The following FOXN1 variants were observed in gnomAD, a reference collection of about 807,000 sequenced individuals.
FOXN1 encodes the protein forkhead box N1, also known as forkhead box protein N1.
A neutral mutation model predicts 49.0 loss-of-function variants in FOXN1; 15 were observed. That is an observed-to-expected ratio of 0.31 (90% CI 0.20 to 0.47). The LOEUF (loss-of-function observed/expected upper bound fraction) is 0.47. Among genes scored for constraint, FOXN1 ranks in the 20% least tolerant of loss-of-function variants. The pLI is 1.00. For missense variants in FOXN1, 800 were observed against 842.8 expected, an observed-to-expected ratio of 0.95 and a Z score of 0.63; for synonymous variants, 356 against 369.0, an observed-to-expected ratio of 0.96 and a Z score of 0.40.
In FOXN1 at chr17:28,524,057, G is replaced by C; in HGVS notation, c.88G>C (p.Ala30Pro). ...EGERQGDLMQAPGLPGSPAPQ... is the reference protein window; with the variant it reads ...EGERQGDLMQPPGLPGSPAPQ... ...CGAGCGCCAAGGGGACCTCATGCAG[G>C]CACCGGGCCTCCCAGGCTCCCCTGC... is the stretch of plus-strand genomic sequence containing the variant. The change falls in exon 2 of 9, where the codon GCA becomes CCA. Residue 30 changes from alanine to proline, a missense_variant. Ala to Pro is a conservative substitution (Grantham distance 27, BLOSUM62 -1). This residue lies in a region of FOXN1 where 383 missense variants were observed against 357.9 expected (regional missense o/e 1.07). Coordinates refer to ENST00000579795, the MANE Select transcript of FOXN1 (RefSeq NM_001369369.1). The C allele has an allele frequency of 6.2e-7, 1 of 1,610,086 alleles. No individual in the cohort carries two copies. Among genetic ancestry groups the C allele is most frequent in the Non-Finnish European group, 8.5e-7 (1 of 1,179,280 alleles).
At chr17:28,519,743 AC>A (rs2069602485) in intron 1 of FOXN1, among the ~76,000 whole-genome samples, 1 of 152,068 alleles carries the variant, frequency 6.6e-6, no homozygotes, top group Non-Finnish European at 1.5e-5. Flanking sequence ...CCTCCTCTCC[AC>A]ATAAGTCCCA....
At chr17:28,528,582 A>T (rs2069829228) in intron 4 of FOXN1, among the ~76,000 whole-genome samples, 1 of 152,010 alleles carries the variant, frequency 6.6e-6, no homozygotes, top group Non-Finnish European at 1.5e-5. Context: ...ATAAAACACC[A>T]TCCGTGGCAC....
intron 3 of FOXN1, 28 bp downstream of exon 3, chr17:28,524,995 C>T: frequency 1.3e-6 from 2 of 1,511,736 alleles, no homozygotes; most frequent in Non-Finnish European, 1.8e-6. Context: ...GCGAGTGTCC[C>T]ATCTTCCCAC....
intron 4 of FOXN1, among the ~76,000 whole-genome samples, chr17:28,528,440 G>C (rs943682494): frequency 1.4e-5 from 2 of 146,852 alleles, no homozygotes; most frequent in Admixed American, 1.4e-4. Context: ...CCCCTCTCAA[G>C]ATGGCCACAC....
chr17:28,515,305 T>G, intron 1 of FOXN1, among the ~76,000 whole-genome samples: 1 of 150,334 alleles, frequency 6.7e-6, no homozygotes, highest in East Asian at 2.0e-4. Flanking sequence ...GGTACATACC[T>G]CCAAAGAGTA....
chr17:28,532,076 G>T (rs1374374287), intron 6 of FOXN1, among the ~76,000 whole-genome samples: 2 of 152,146 alleles, frequency 1.3e-5, no homozygotes, highest in Non-Finnish European at 2.9e-5. Context: ...AAAGCTTTTG[G>T]AGGGTCTTCT....
At chr17:28,507,235 C>A (rs1210760758) in intron 1 of FOXN1, among the ~76,000 whole-genome samples, 2 of 152,150 alleles carry the variant, frequency 1.3e-5, no homozygotes, top group African/African-American at 4.8e-5. Context: ...GAAGCCCCTG[C>A]CAGCTCCCCC....
At chr17:28,529,985 A>G (rs907943363) in intron 5 of FOXN1, among the ~76,000 whole-genome samples, 1 of 150,762 alleles carries the variant, frequency 6.6e-6, no homozygotes, top group Non-Finnish European at 1.5e-5. Flanking sequence ...AAGTTACTTA[A>G]TCTCTCTGAG....
intron 1 of FOXN1, among the ~76,000 whole-genome samples, chr17:28,513,307 G>C (rs1255155278): frequency 6.6e-6 from 1 of 151,922 alleles, no homozygotes; most frequent in Non-Finnish European, 1.5e-5. Flanking sequence ...AACATTCACG[G>C]GTAGGTCAAG....
At chr17:28,507,007 G>A (rs9895567) in intron 1 of FOXN1, among the ~76,000 whole-genome samples, 5,326 of 152,282 alleles carry the variant, frequency 0.035, 296 homozygotes, top group African/African-American at 0.12. Flanking sequence ...ACCTTGTGGC[G>A]AAGCAGACAG....
intron 3 of FOXN1, among the ~76,000 whole-genome samples, chr17:28,525,707 A>T (rs1289178904): frequency 6.6e-6 from 1 of 152,082 alleles, no homozygotes; most frequent in East Asian, 1.9e-4. Flanking sequence ...CCTACTCCAC[A>T]TGCCCACCAG....
At chr17:28,511,307 G>T (rs996403116) in intron 1 of FOXN1, among the ~76,000 whole-genome samples, 2 of 152,210 alleles carry the variant, frequency 1.3e-5, no homozygotes, top group African/African-American at 4.8e-5. Flanking sequence ...CTTAATAATA[G>T]ATTGGTATTA....
At chr17:28,521,545 C>T (rs757887976) in intron 1 of FOXN1, among the ~76,000 whole-genome samples, 3 of 152,272 alleles carry the variant, frequency 2.0e-5, no homozygotes, top group Non-Finnish European at 4.4e-5. Flanking sequence ...ATGCCTGCTC[C>T]GCTGTGGTGT....
At chr17:28,527,725 C>A (rs1291273608) in intron 4 of FOXN1, among the ~76,000 whole-genome samples, 2 of 152,158 alleles carry the variant, frequency 1.3e-5, no homozygotes, top group African/African-American at 4.8e-5. Flanking sequence ...ACAGGCCGAG[C>A]AGGTCGAGGA....
chr17:28,519,161 CAA>C (rs2151482059), intron 1 of FOXN1, among the ~76,000 whole-genome samples: 1 of 152,178 alleles, frequency 6.6e-6, no homozygotes, highest in East Asian at 1.9e-4. Flanking sequence ...TAACATGAGA[CAA>C]GAGATACAAA....
chr17:28,519,218 CA>C (rs1208136972), intron 1 of FOXN1, among the ~76,000 whole-genome samples: 3 of 152,070 alleles, frequency 2.0e-5, no homozygotes, highest in Non-Finnish European at 4.4e-5. Context: ...GTAATCTCAG[CA>C]CTTTGGGAGG....
intron 1 of FOXN1, among the ~76,000 whole-genome samples, chr17:28,521,717 C>G (rs1376897395): frequency 6.6e-6 from 1 of 152,266 alleles, no homozygotes; most frequent in Non-Finnish European, 1.5e-5. Flanking sequence ...CCCTCCACCA[C>G]TGATCCCCTG....
At chr17:28,527,403 G>T in intron 4 of FOXN1, 42 bp downstream of exon 4, 1 of 1,128,180 alleles carries the variant, frequency 8.9e-7, no homozygotes, top group Non-Finnish European at 1.3e-6. Flanking sequence ...CAGGTCTGAG[G>T]ATATCGTGTG....
At chr17:28,506,632 C>A (rs547868896) in intron 1 of FOXN1, among the ~76,000 whole-genome samples, 189 bp downstream of exon 1, 4 of 152,354 alleles carry the variant, frequency 2.6e-5, no homozygotes, top group Non-Finnish European at 5.9e-5. Flanking sequence ...CCCCCACCTC[C>A]CCCTCCAGTT....
Sources: gnomAD v4.1 joint callset for allele counts (sites outside exome capture counted in the v4.1 genomes callset) on GRCh38, gnomAD v4.1.1 for gene constraint, gnomAD v4.1.1 regional missense constraint, MANE v1.5 for transcripts, NCBI Gene and HGNC (gene_info 2026-07-23, HGNC 2026-07-21) for gene names.